Variants in TG observed in about 807,000 individuals in gnomAD.
TG encodes thyroid hormones.
TG carries 270 observed loss-of-function variants against 324.7 expected under a neutral mutation model. The ratio of observed to expected loss-of-function variants is 0.83; its 90% CI spans 0.75 to 0.92. TG has a LOEUF of 0.92. Among genes scored for constraint, TG ranks in the 40% least tolerant of loss-of-function variants. The probability of loss-of-function intolerance (pLI) is 0.00; values close to 1 mark genes in which losing one functional copy is unlikely to be tolerated. For synonymous variants in TG, 1,401 were observed against 1,327.0 expected, an observed-to-expected ratio of 1.06 and a Z score of -1.21; for missense variants, 3,591 against 3,456.4, an observed-to-expected ratio of 1.04 and a Z score of -0.98.
At chr8:133,049,552 GAC>G in intron 41 of TG, 1 of 304,438 alleles carries the variant, frequency 3.3e-6, no homozygotes, top group East Asian at 7.3e-5. Context: ...GCCAGTAAGT[GAC>G]AGAGGCAGGA....
intron 41 of TG, among the ~76,000 whole-genome samples, chr8:133,078,322 C>T (rs577125331): frequency 2.4e-4 from 37 of 152,306 alleles, no homozygotes; most frequent in African/African-American, 6.0e-4. Context: ...ATGTGAGCCA[C>T]GAGCTGCCTA....
chr8:132,884,075 T>TCC (rs757132984), intron 8 of TG, among the ~76,000 whole-genome samples: 1 of 152,210 alleles, frequency 6.6e-6, no homozygotes, highest in Non-Finnish European at 1.5e-5. Flanking sequence ...TCTGTGTCTG[T>TCC]CTATGAGTCT....
intron 27 of TG, among the ~76,000 whole-genome samples, chr8:132,958,283 C>T (rs554353615): frequency 3.3e-5 from 5 of 152,254 alleles, no homozygotes. Flanking sequence ...TCTGTATTAC[C>T]TATATGAGTA....
intron 41 of TG, chr8:133,059,234 A>G: frequency 9.2e-6 from 4 of 436,078 alleles, no homozygotes; most frequent in Non-Finnish European, 1.4e-5. Flanking sequence ...GCTACCATGT[A>G]AGGTGGGAAG....
chr8:133,018,380 A>T (rs1835253755), intron 38 of TG, among the ~76,000 whole-genome samples: 1 of 152,280 alleles, frequency 6.6e-6, no homozygotes, highest in Admixed American at 6.5e-5. Flanking sequence ...TAAGCCTGGA[A>T]GTGGGGTTCA....
intron 14 of TG, among the ~76,000 whole-genome samples, 186 bp from the exon 15 acceptor site, chr8:132,900,051 G>A (rs566920167): frequency 2.0e-4 from 30 of 152,308 alleles, no homozygotes; most frequent in East Asian, 1.2e-3. Context: ...TGTTGTAGCC[G>A]TCAATCAAAT....
rs1839086304 is a variant in TG, at chr8:133,045,171, C to G, written c.7239+15148C>G. On this transcript the variant is annotated intron_variant, in intron 41 of 47. Transcript: ENST00000220616. ...TCCACCTGTCCTCACCCCAAGGCACCCAGCTAACCAGCCCACCACCACTGA... is the reference window on the plus strand; with the variant it reads ...TCCACCTGTCCTCACCCCAAGGCACGCAGCTAACCAGCCCACCACCACTGA... 1.9e-6 allele frequency: 3 copies of G among 1,594,882 alleles called. No individual in the cohort carries two copies. The East Asian group carries it at 6.8e-5, about 36-fold the overall frequency.
At chr8:132,977,170 A>G (rs1431019397) in intron 34 of TG, among the ~76,000 whole-genome samples, 2 of 151,842 alleles carry the variant, frequency 1.3e-5, no homozygotes, top group Non-Finnish European at 2.9e-5. Flanking sequence ...TTTTCTCCCC[A>G]CTCTTAGCTT....
intron 20 of TG, among the ~76,000 whole-genome samples, chr8:132,915,587 G>A (rs920059789): frequency 1.3e-5 from 2 of 152,166 alleles, no homozygotes; most frequent in African/African-American, 4.8e-5. Context: ...GACACACCTG[G>A]GCTGGAACAG....
At chr8:133,006,717 G>A (rs548464722) in intron 35 of TG, among the ~76,000 whole-genome samples, 21 of 152,334 alleles carry the variant, frequency 1.4e-4, no homozygotes, top group African/African-American at 4.6e-4. Context: ...ACACAACAAA[G>A]AGCCTATTAA....
At chr8:132,874,120 C>T (rs1034848056) in intron 5 of TG, among the ~76,000 whole-genome samples, 6 of 151,944 alleles carry the variant, frequency 3.9e-5, no homozygotes, top group Non-Finnish European at 7.4e-5. Context: ...TGCAGTGAGC[C>T]GAGATTGTGC....
chr8:132,923,575 GA>G, intron 22 of TG, 67 bp downstream of exon 22: 3 of 1,531,376 alleles, frequency 2.0e-6, no homozygotes, highest in Non-Finnish European at 2.7e-6. Flanking sequence ...GGGCTTTTTA[GA>G]AAGGGAGAGA....
At position 132,963,829 on chromosome 8, in the gene TG, A is replaced by G. The variant is rs117787165; in HGVS notation, c.5548+755A>G. On this transcript the variant is annotated intron_variant, in intron 29 of 47. Transcript: ENST00000220616. The stretch of plus-strand genomic sequence containing the variant: ...ACAGGAAGGCAGCATGGTACAGGGG[A>G]AAAAAACGTCATGCTACAGAGCAGA... 5.3e-3 allele frequency among the ~76,000 whole-genome samples: 802 copies of G among 152,142 alleles called. 6 individuals are homozygous for G. The highest frequency in any genetic ancestry group is 8.3e-3 in the Non-Finnish European group (564 of 67,994).
At chr8:133,049,023 A>T (rs1587879794) in intron 41 of TG, 1 of 369,930 alleles carries the variant, frequency 2.7e-6, no homozygotes, top group East Asian at 7.5e-5. Flanking sequence ...TTCTTTGCCA[A>T]CTTCCAGCTT....
At chr8:132,974,920 T>C (rs1461287289) in intron 34 of TG, among the ~76,000 whole-genome samples, 1 of 152,228 alleles carries the variant, frequency 6.6e-6, no homozygotes, top group Non-Finnish European at 1.5e-5. Flanking sequence ...GGAATCTTCC[T>C]GCTGGTGTCC....
intron 41 of TG, among the ~76,000 whole-genome samples, chr8:133,082,678 G>T (rs1005265756): frequency 1.3e-5 from 2 of 152,144 alleles, no homozygotes; most frequent in Non-Finnish European, 2.9e-5. Flanking sequence ...AAACAATAAT[G>T]CCATTAAACC....
At chr8:133,032,267 G>A (rs1003415578) in intron 41 of TG, among the ~76,000 whole-genome samples, 3 of 152,126 alleles carry the variant, frequency 2.0e-5, no homozygotes, top group Non-Finnish European at 2.9e-5. Context: ...CTGTCCCTCC[G>A]AAGGTGATCC....
intron 45 of TG, among the ~76,000 whole-genome samples, chr8:133,129,858 G>A (rs1172307733): frequency 6.6e-6 from 1 of 152,134 alleles, no homozygotes; most frequent in African/African-American, 2.4e-5. Context: ...CATCTCTCAA[G>A]AGAGATCCAC....
Position 133,095,116 on chromosome 8 carries a change from AAGG to A in TG, c.7316_7318del (p.Glu2439del). ...TCAGCAGCAGGCAATTGCTTTGGCA[AAGG>A]AGGTCAGTTGCCCCATGTCATCCAG... On this transcript the variant is annotated inframe_deletion, in exon 42 of 48. Coordinates refer to ENST00000220616, the MANE Select transcript of TG (RefSeq NM_003235.5). 2 of 1,614,222 alleles carry A rather than the reference AAGG, an allele frequency of 1.2e-6. No homozygotes were observed. The highest frequency in any genetic ancestry group is 1.7e-6 in the Non-Finnish European group (2 of 1,180,040).
Sources: allele counts gnomAD v4.1 joint callset (sites outside exome capture counted in the v4.1 genomes callset), GRCh38; gene constraint gnomAD v4.1.1; transcripts MANE v1.5; gene names NCBI Gene and HGNC (gene_info 2026-07-23, HGNC 2026-07-21).